The following ABHD3 variants were observed in gnomAD, a reference collection of about 807,000 sequenced individuals.
ABHD3 encodes the protein abhydrolase domain containing 3, phospholipase, also known as phospholipase ABHD3.
A neutral mutation model predicts 48.8 loss-of-function variants in ABHD3; 46 were observed. The ratio of observed to expected loss-of-function variants is 0.94; its 90% confidence interval spans 0.74 to 1.20. ABHD3 has a LOEUF of 1.20. ABHD3 is among the 50% of genes most tolerant of loss of function. The pLI is 0.00. For missense variants in ABHD3, 490 were observed against 497.8 expected, an observed-to-expected ratio of 0.98 and a Z score of 0.15; for synonymous variants, 192 against 183.7, an observed-to-expected ratio of 1.04 and a Z score of -0.36.
chr18:21,699,456 C>T (rs1259660505), intron 3 of ABHD3, among the ~76,000 whole-genome samples: 1 of 152,216 alleles, frequency 6.6e-6, no homozygotes, highest in Non-Finnish European at 1.5e-5. Flanking sequence ...TCAACTCAGC[C>T]TTGCGCCAAA....
Position 21,664,209 on chromosome 18 carries a change from CACA to C in ABHD3, c.574_576del (p.Cys192del), listed in dbSNP as rs750317676. On this transcript the variant is annotated inframe_deletion, in exon 5 of 9. Coordinates refer to ENST00000289119, the MANE Select transcript of ABHD3 (RefSeq NM_138340.5). ...ACTGTCTCCAAGTCTTCAGTGTTAG[CACA>C]ACAATAAGTCCTTGGCGTCTGGAAG... 1.7e-5 allele frequency: 28 copies of C among 1,613,686 alleles called. 1 individual carries two copies. The South Asian group carries it at 2.4e-4, about 14-fold the overall frequency.
At chr18:21,693,155 C>G (rs1009048349) in intron 3 of ABHD3, among the ~76,000 whole-genome samples, 4 of 152,202 alleles carry the variant, frequency 2.6e-5, no homozygotes, top group Non-Finnish European at 4.4e-5. Context: ...CAGATTACAA[C>G]AGTGGGGCTC....
At chr18:21,696,886 T>G (rs575835599) in intron 3 of ABHD3, among the ~76,000 whole-genome samples, 4 of 151,978 alleles carry the variant, frequency 2.6e-5, no homozygotes, top group Non-Finnish European at 4.4e-5. Flanking sequence ...CCTCTCTTAT[T>G]TTATTTACCT....
At chr18:21,651,869 A>G in intron 8 of ABHD3, 106 bp from the exon 9 acceptor site, 2 of 1,034,436 alleles carry the variant, frequency 1.9e-6, no homozygotes, top group South Asian at 3.8e-5. Context: ...TGTCTAATAA[A>G]CAGAAATCAA....
At chr18:21,659,025 G>C in intron 6 of ABHD3, 145 bp downstream of exon 6, 1 of 700,750 alleles carries the variant, frequency 1.4e-6, no homozygotes, top group Non-Finnish European at 2.1e-6. Flanking sequence ...ATTTTTGGTA[G>C]AGACGGGGTT....
chr18:21,672,766 A>G (rs1356993460), intron 4 of ABHD3, among the ~76,000 whole-genome samples: 5 of 152,368 alleles, frequency 3.3e-5, no homozygotes, highest in Non-Finnish European at 7.3e-5. Context: ...TTAATTAAAT[A>G]ATGAGTCAGA....
intron 3 of ABHD3, among the ~76,000 whole-genome samples, chr18:21,689,717 T>A (rs2040205237): frequency 6.6e-6 from 1 of 151,800 alleles, no homozygotes; most frequent in South Asian, 2.1e-4. Context: ...TGGGCCCAAA[T>A]CTCTAGTTGA....
chr18:21,683,510 T>C, intron 4 of ABHD3: 1 of 513,150 alleles, frequency 1.9e-6, no homozygotes. Flanking sequence ...GAAAATGTGT[T>C]TTGCATTAAA....
In ABHD3 at chr18:21,658,758, A is replaced by T. The variant is rs143514710; in HGVS notation, c.842+412T>A. ...GTACAGTAGTAAATTTATTCAGTGT[A>T]TAAACACATATACATATATTGGTAG... is the stretch of plus-strand genomic sequence containing the variant. On this transcript the variant is annotated intron_variant, in intron 6 of 8. Coordinates refer to ENST00000289119, the MANE Select transcript of ABHD3 (RefSeq NM_138340.5). Among the ~76,000 whole-genome samples, 38 of 152,284 alleles carry T rather than the reference A, an allele frequency of 2.5e-4. No individual in the cohort carries two copies. The East Asian group carries it at 6.0e-3, about 24-fold the overall frequency.
At chr18:21,675,547 A>T (rs149911737) in intron 4 of ABHD3, among the ~76,000 whole-genome samples, 4 of 152,028 alleles carry the variant, frequency 2.6e-5, no homozygotes, top group Non-Finnish European at 4.4e-5. Flanking sequence ...CGTTACAGGT[A>T]TGAGTCACCG....
intron 5 of ABHD3, chr18:21,663,831 T>C: frequency 6.6e-7 from 1 of 1,523,962 alleles, no homozygotes; most frequent in South Asian, 1.2e-5. Context: ...AAGGTCAACA[T>C]GGCAGCCGGT....
intron 3 of ABHD3, among the ~76,000 whole-genome samples, chr18:21,687,479 G>T (rs2040153892): frequency 6.6e-6 from 1 of 152,114 alleles, no homozygotes; most frequent in African/African-American, 2.4e-5. Flanking sequence ...CTAAAGTGCT[G>T]GGATTACAGG....
intron 8 of ABHD3, 59 bp from the exon 9 acceptor site, chr18:21,651,822 AT>A: frequency 4.1e-6 from 6 of 1,447,868 alleles, no homozygotes; most frequent in Non-Finnish European, 5.5e-6. Flanking sequence ...AAATATAATC[AT>A]TATGTTTTTG....
In ABHD3 at chr18:21,679,148, G is replaced by A. The variant is rs998183172; in HGVS notation, c.555+4772C>T. 4.6e-5 allele frequency among the ~76,000 whole-genome samples: 7 copies of A among 152,084 alleles called. 1 individual carries two copies. The highest frequency in any genetic ancestry group is 8.8e-5 in the Non-Finnish European group (6 of 68,026). Reference sequence around the variant, plus strand: ...TTTTTTATGCCTACCCTAAAGTCTCGCTTACTCTGGGTCTAAGCTACATTA... The same window carrying A: ...TTTTTTATGCCTACCCTAAAGTCTCACTTACTCTGGGTCTAAGCTACATTA... On this transcript the variant is annotated intron_variant, in intron 4 of 8. Coordinates refer to ENST00000289119, the MANE Select transcript of ABHD3 (RefSeq NM_138340.5).
At chr18:21,662,613 T>C (rs895438985) in intron 5 of ABHD3, among the ~76,000 whole-genome samples, 8 of 152,190 alleles carry the variant, frequency 5.3e-5, no homozygotes, top group African/African-American at 1.9e-4. Context: ...GTCCATGGAC[T>C]GTTTTTGCGT....
rs560719650 is a variant in ABHD3 at position 21,695,589 on chromosome 18, TTTTGCCATTACTTTTAATGGCATTAAA to T, written c.509+6700_509+6726del. Among the ~76,000 whole-genome samples the T allele has an allele frequency of 7.7e-3, 1,178 of 152,312 alleles. 18 individuals carry two copies. Among genetic ancestry groups the T allele is most frequent in the African/African-American group, 0.026 (1,066 of 41,558 alleles). On this transcript the variant is annotated intron_variant, in intron 3 of 8. Coordinates refer to ENST00000289119, the MANE Select transcript of ABHD3 (RefSeq NM_138340.5). ...AAACATAATGGCAAATTACTTTTATTTTTGCCATTACTTTTAATGGCATTAAATTTGCCATTACTTTTAATGGCAAAA... is the reference window on the plus strand; with the variant it reads ...AAACATAATGGCAAATTACTTTTATTTTTGCCATTACTTTTAATGGCAAAA...
chr18:21,659,943 T>A (rs992508337), intron 5 of ABHD3, among the ~76,000 whole-genome samples: 5 of 150,370 alleles, frequency 3.3e-5, no homozygotes, highest in African/African-American at 1.2e-4. Flanking sequence ...GTGCTGAGAT[T>A]ACAGCCGTTG....
chr18:21,665,758 G>A (rs1017224830), intron 4 of ABHD3, among the ~76,000 whole-genome samples: 2 of 151,248 alleles, frequency 1.3e-5, no homozygotes, highest in Non-Finnish European at 2.9e-5. Flanking sequence ...CTTGCAGTGA[G>A]CTGAGATCAC....
chr18:21,691,357 G>A (rs528036414), intron 3 of ABHD3, among the ~76,000 whole-genome samples: 4 of 152,250 alleles, frequency 2.6e-5, no homozygotes, highest in African/African-American at 9.6e-5. Flanking sequence ...AAAGATAAAA[G>A]TGAGCTATAG....
Sources: gnomAD v4.1 joint callset for allele counts (sites outside exome capture counted in the v4.1 genomes callset) on GRCh38, gnomAD v4.1.1 for gene constraint, MANE v1.5 for transcripts, NCBI Gene and HGNC (gene_info 2026-07-23, HGNC 2026-07-21) for gene names.